Variants in EPHA5 observed in about 807,000 individuals in gnomAD.
The protein encoded by EPHA5 is EPH receptor A5.
A neutral mutation model predicts 105.0 loss-of-function variants in EPHA5; 60 were observed. That is an observed-to-expected ratio of 0.57 (90% CI 0.46 to 0.71). The LOEUF (loss-of-function observed/expected upper bound fraction) is 0.71. Ranked by LOEUF, EPHA5 falls within the 30% of genes least tolerant of loss-of-function variation. The pLI is 0.00. For synonymous variants in EPHA5, 513 were observed against 449.1 expected (o/e 1.14, Z -1.80); for missense variants, 1,218 against 1,274.7 (o/e 0.96, Z 0.68).
At chr4:65,497,793 A>G (rs1267196493) in intron 3 of EPHA5, among the ~76,000 whole-genome samples, 2 of 152,046 alleles carry the variant, frequency 1.3e-5, no homozygotes, top group African/African-American at 2.4e-5. Flanking sequence ...ATAAAATAAT[A>G]TAAATCGAAG....
rs1446990545 is a variant in EPHA5, at chr4:65,323,508, T to A, written c.*606A>T. 5 of 229,960 alleles carry A rather than the reference T, an allele frequency of 2.2e-5. No homozygotes were observed. Among genetic ancestry groups the A allele is most frequent in the East Asian group, 6.1e-5 (1 of 16,268 alleles). The allele number at this position is 229,960 out of a possible 1,614,324, so 14.2% of individuals were successfully genotyped here. ...AAAGTAAACTTTATAACACAAAAAA[T>A]AAATATACACCCTGTATTGTACTTT... On this transcript the variant is annotated 3_prime_UTR_variant, in exon 17 of 17. Coordinates refer to ENST00000613740, the MANE Select transcript of EPHA5 (RefSeq NM_001281766.3).
intron 14 of EPHA5, among the ~76,000 whole-genome samples, chr4:65,340,479 G>T (rs755945310): frequency 4.6e-5 from 7 of 152,206 alleles, no homozygotes; most frequent in Middle Eastern, 3.4e-3. Flanking sequence ...CACAGTGGGG[G>T]CAGGGAGAAA....
intron 1 of EPHA5, among the ~76,000 whole-genome samples, chr4:65,656,271 A>G (rs1022887956): frequency 2.6e-5 from 4 of 151,602 alleles, no homozygotes; most frequent in Admixed American, 6.6e-5. Context: ...TCAAACAAAA[A>G]CACCACTGGG....
chr4:65,663,038 T>A (rs983899955), intron 1 of EPHA5, among the ~76,000 whole-genome samples: 1 of 152,134 alleles, frequency 6.6e-6, no homozygotes, highest in African/African-American at 2.4e-5. Context: ...ATAGTATAAC[T>A]AATAATTTAA....
At chr4:65,633,942 C>G (rs1259259619) in intron 2 of EPHA5, among the ~76,000 whole-genome samples, 1 of 152,018 alleles carries the variant, frequency 6.6e-6, no homozygotes, top group Admixed American at 6.6e-5. Flanking sequence ...GATAACACAC[C>G]TGTACACGTT....
At chr4:65,599,294 T>G (rs928652555) in intron 3 of EPHA5, among the ~76,000 whole-genome samples, 12 of 151,226 alleles carry the variant, frequency 7.9e-5, no homozygotes, top group African/African-American at 2.9e-4. Flanking sequence ...ACTTAGAGGT[T>G]TGAGGCTAGC....
chr4:65,387,076 A>G (rs572093770), intron 8 of EPHA5, among the ~76,000 whole-genome samples: 1 of 152,118 alleles, frequency 6.6e-6, no homozygotes, highest in East Asian at 1.9e-4. Context: ...ATGTTGGAAA[A>G]TAGCTAAAGT....
At chr4:65,469,379 C>A (rs879611671) in intron 5 of EPHA5, among the ~76,000 whole-genome samples, 1 of 151,858 alleles carries the variant, frequency 6.6e-6, no homozygotes, top group Non-Finnish European at 1.5e-5. Flanking sequence ...AACTAGGGTG[C>A]GAAATAGGTA....
intron 8 of EPHA5, among the ~76,000 whole-genome samples, chr4:65,380,958 A>T (rs1719502096): frequency 1.3e-5 from 2 of 151,752 alleles, no homozygotes; most frequent in Admixed American, 1.3e-4. Context: ...CCATTACTAG[A>T]TGCATAGCTT....
intron 2 of EPHA5, among the ~76,000 whole-genome samples, chr4:65,641,740 T>A (rs1747688577): frequency 6.6e-6 from 1 of 152,066 alleles, no homozygotes; most frequent in Non-Finnish European, 1.5e-5. Flanking sequence ...TCTGGTACAC[T>A]ATGTTGAAGG....
At chr4:65,531,424 G>T (rs1031580992) in intron 3 of EPHA5, among the ~76,000 whole-genome samples, 2 of 152,210 alleles carry the variant, frequency 1.3e-5, no homozygotes, top group African/African-American at 2.4e-5. Flanking sequence ...GGCTAGAACA[G>T]GAGTTTCTTT....
chr4:65,348,815 A>ATATT (rs71657404), intron 13 of EPHA5, among the ~76,000 whole-genome samples: 2,998 of 64,036 alleles, frequency 0.047, 442 homozygotes, highest in Non-Finnish European at 0.064. Flanking sequence ...ATATATATAT[A>ATATT]TTTTTTTTTT....
intron 3 of EPHA5, among the ~76,000 whole-genome samples, chr4:65,587,042 G>C (rs4440283): frequency 2.5e-3 from 386 of 152,044 alleles, no homozygotes; most frequent in African/African-American, 9.0e-3. Context: ...GCTTTTAATT[G>C]TCTTTGTTTT....
chr4:65,565,218 T>C (rs1344307094), intron 3 of EPHA5, among the ~76,000 whole-genome samples: 2 of 151,678 alleles, frequency 1.3e-5, no homozygotes, highest in Non-Finnish European at 3.0e-5. Flanking sequence ...AGGCCAATGG[T>C]GACCAATTTG....
chr4:65,450,124 T>C (rs969620904), intron 5 of EPHA5, among the ~76,000 whole-genome samples: 8 of 152,284 alleles, frequency 5.3e-5, no homozygotes, highest in Middle Eastern at 6.8e-3. Context: ...TTTACTAATG[T>C]CTACATTTGC....
chr4:65,455,746 T>A (rs1229516517), intron 5 of EPHA5, among the ~76,000 whole-genome samples: 1 of 152,186 alleles, frequency 6.6e-6, no homozygotes, highest in Non-Finnish European at 1.5e-5. Flanking sequence ...GCACTGTCAT[T>A]GACATTTAAC....
chr4:65,522,700 C>A (rs535459499), intron 3 of EPHA5, among the ~76,000 whole-genome samples: 1 of 152,056 alleles, frequency 6.6e-6, no homozygotes, highest in East Asian at 1.9e-4. Context: ...CTGTTTAGTT[C>A]ATGATTGATT....
At chr4:65,523,516 G>A (rs1269948410) in intron 3 of EPHA5, among the ~76,000 whole-genome samples, 1 of 151,978 alleles carries the variant, frequency 6.6e-6, no homozygotes, top group Non-Finnish European at 1.5e-5. Context: ...GGTTCTGAGA[G>A]GAAGAATGTT....
At chr4:65,402,699 A>T (rs1721965667) in intron 8 of EPHA5, among the ~76,000 whole-genome samples, 1 of 152,184 alleles carries the variant, frequency 6.6e-6, no homozygotes, top group African/African-American at 2.4e-5. Context: ...TAGAAAGGAA[A>T]TCACTAACTC....
Sources: gnomAD v4.1 joint callset for allele counts (sites outside exome capture counted in the v4.1 genomes callset) on GRCh38, gnomAD v4.1.1 for gene constraint, MANE v1.5 for transcripts, NCBI Gene and HGNC (gene_info 2026-07-23, HGNC 2026-07-21) for gene names.